MTMR8: variants seen among roughly 807,000 people sequenced by gnomAD.
MTMR8 encodes phosphatidylinositol-3,5-bisphosphate 3-phosphatase MTMR8.
In MTMR8, 65 loss-of-function variants were observed where a neutral mutation model predicts 39.3. The ratio of observed to expected loss-of-function variants is 1.65; its 90% CI spans 1.35 to 2.03. MTMR8 has a LOEUF of 2.03. Among genes scored for constraint, MTMR8 ranks in the 30% most tolerant of loss-of-function variants. The pLI is 0.00. For synonymous variants in MTMR8, 245 were observed against 185.2 expected (o/e 1.32, Z -2.62); for missense variants, 777 against 538.9 (o/e 1.44, Z -4.37).
Position 64,271,073 on chromosome X carries a change from C to T in MTMR8, c.1482G>A (p.Gln494=). Residue 494 remains glutamine, a splice_region_variant and synonymous_variant, in exon 13 of 14, where the codon CAG becomes CAA. Coordinates refer to ENST00000374852, the MANE Select transcript of MTMR8 (RefSeq NM_017677.4). ...AGCGGTTATACATCCCACACCAGAA[C>T]CTCAAATAGACAAAAATGGGGGGAA... ...LNPSTVPYNI[Q]FWCGMYNRFD... is the part of the protein sequence containing the mutation. 1 of 1,186,278 alleles carries T rather than the reference C, an allele frequency of 8.4e-7. No homozygotes were observed. Among genetic ancestry groups the T allele is most frequent in the South Asian group, 1.9e-5 (1 of 52,094 alleles).
chrX:64,281,495 C>T (rs1225481566), intron 12 of MTMR8, among the ~76,000 whole-genome samples: 4 of 111,733 alleles, frequency 3.6e-5, no homozygotes, highest in Non-Finnish European at 5.6e-5. Flanking sequence ...ACTGGCTAGC[C>T]ATTTGCAGAA....
rs578262756 is a variant in MTMR8 at position 64,385,817 on chromosome X, C to T, written c.24+9523G>A. Among the ~76,000 whole-genome samples the T allele has an allele frequency of 1.1e-3, 121 of 111,372 alleles. 1 individual carries two copies. Among genetic ancestry groups the T allele is most frequent in the South Asian group, 0.01 (26 of 2,599 alleles). Reference sequence around the variant, plus strand: ...ATGATCCAATTACCTCTCACTAGGCCCCGTCTTCAACATTGGGGACTACAA... The same window carrying T: ...ATGATCCAATTACCTCTCACTAGGCTCCGTCTTCAACATTGGGGACTACAA... On this transcript the variant is annotated intron_variant, in intron 1 of 13. Transcript: ENST00000374852.
At chrX:64,275,538 AC>A (rs760340074) in intron 12 of MTMR8, among the ~76,000 whole-genome samples, 53 of 108,438 alleles carry the variant, frequency 4.9e-4, no homozygotes, top group Non-Finnish European at 7.8e-4. Context: ...CGCTAAAAAA[AC>A]ATTTAGAAAA....
At chrX:64,347,561 C>A (rs1923375812) in intron 6 of MTMR8, among the ~76,000 whole-genome samples, 1 of 111,839 alleles carries the variant, frequency 8.9e-6, no homozygotes, top group Non-Finnish European at 1.9e-5. Flanking sequence ...CTGTCTAAGG[C>A]AACTATCTGG....
intron 1 of MTMR8, among the ~76,000 whole-genome samples, chrX:64,372,223 C>T (rs1162343660): frequency 9.3e-6 from 1 of 108,083 alleles, no homozygotes; most frequent in Non-Finnish European, 1.9e-5. Context: ...CCCAGTCTCT[C>T]AAAATTTAAC....
intron 1 of MTMR8, among the ~76,000 whole-genome samples, chrX:64,365,175 GA>G (rs1457267390): frequency 9.0e-6 from 1 of 111,434 alleles, no homozygotes; most frequent in East Asian, 2.8e-4. Flanking sequence ...AACCAAGTTG[GA>G]AAACACTTTT....
chrX:64,280,889 T>A (rs1931994114), intron 12 of MTMR8, among the ~76,000 whole-genome samples: 2 of 111,188 alleles, frequency 1.8e-5, no homozygotes, highest in Admixed American at 9.6e-5. Flanking sequence ...TCTCAAGCAT[T>A]GCTATACCAC....
chrX:64,335,519 G>A (rs748234901), intron 10 of MTMR8, among the ~76,000 whole-genome samples: 6 of 112,084 alleles, frequency 5.4e-5, no homozygotes, highest in South Asian at 7.4e-4. Context: ...AATATTTATC[G>A]ATTGTTCTGA....
chrX:64,378,748 C>T (rs1485674684), intron 1 of MTMR8, among the ~76,000 whole-genome samples: 1 of 111,453 alleles, frequency 9.0e-6, no homozygotes, highest in Non-Finnish European at 1.9e-5. Context: ...CTAAAAAATA[C>T]AAGAGCAAAT....
Position 64,343,676 on chromosome X carries a change from G to T in MTMR8, c.910C>A (p.Leu304Met). 1 of 1,208,466 alleles carries T rather than the reference G, an allele frequency of 8.3e-7. No individual in the cohort carries two copies. The highest frequency in any genetic ancestry group is 3.0e-5 in the East Asian group (1 of 33,742). ...TPTMSEFLSG[L>M]ESSGWLRHIK... ...TGTCTTAACCACCCTGAGCTCTCCA[G>T]GCCGCTAAGAAATTCACTCATTGTT... Residue 304 changes from leucine (L) to methionine (M), a missense_variant, in exon 8 of 14, where the codon CTG becomes ATG. Physicochemically the swap from Leu to Met is conservative, Grantham distance 15. Coordinates refer to ENST00000374852, the MANE Select transcript of MTMR8 (RefSeq NM_017677.4).
intron 1 of MTMR8, among the ~76,000 whole-genome samples, chrX:64,361,309 T>C (rs892232215): frequency 9.0e-6 from 1 of 111,346 alleles, no homozygotes; most frequent in Non-Finnish European, 1.9e-5. Flanking sequence ...TTCCAGTCAC[T>C]GGAAAAAGAA....
intron 12 of MTMR8, among the ~76,000 whole-genome samples, chrX:64,300,629 C>G (rs1921827200): frequency 1.0e-5 from 1 of 99,748 alleles, no homozygotes; most frequent in African/African-American, 3.7e-5. Context: ...ATGATGTTAG[C>G]TGGTGATTTT....
At chrX:64,330,573 A>G (rs1218290216) in intron 11 of MTMR8, among the ~76,000 whole-genome samples, 1 of 111,820 alleles carries the variant, frequency 8.9e-6, no homozygotes, top group Non-Finnish European at 1.9e-5. Context: ...TAATGAAAAT[A>G]CTGTTCACAG....
At chrX:64,323,496 G>T (rs1569220478) in intron 12 of MTMR8, among the ~76,000 whole-genome samples, 1 of 111,462 alleles carries the variant, frequency 9.0e-6, no homozygotes, top group Non-Finnish European at 1.9e-5. Context: ...TCTCAGCAAT[G>T]GACAGATCAT....
chrX:64,297,875 A>G (rs974844707), intron 12 of MTMR8, among the ~76,000 whole-genome samples: 1 of 106,695 alleles, frequency 9.4e-6, no homozygotes, highest in Admixed American at 1.0e-4. Flanking sequence ...CAGGTTTGTC[A>G]AAGATCAGAT....
chrX:64,316,976 G>C (rs758854809), intron 12 of MTMR8, among the ~76,000 whole-genome samples: 1 of 107,810 alleles, frequency 9.3e-6, no homozygotes, highest in East Asian at 3.0e-4. Flanking sequence ...GCCAGGCGTG[G>C]TGATGTGTGC....
In MTMR8 at chrX:64,331,771, A is replaced by G. The variant is rs764375969; in HGVS notation, c.1152-14T>C. On this transcript the variant is annotated splice_polypyrimidine_tract_variant and intron_variant, in intron 10 of 13. Transcript: ENST00000374852. ...AGGTGGCCACACCTGAGAGATGAAAATAAAGGTAAAGAAAGACACTAGTTA... is the reference window on the plus strand; with the variant it reads ...AGGTGGCCACACCTGAGAGATGAAAGTAAAGGTAAAGAAAGACACTAGTTA... 8.5e-7 allele frequency: 1 copy of G among 1,173,830 alleles called. No individual in the cohort carries two copies. The highest frequency in any genetic ancestry group is 1.8e-5 in the South Asian group (1 of 54,541).
intron 12 of MTMR8, among the ~76,000 whole-genome samples, chrX:64,301,679 T>C (rs1456921186): frequency 9.0e-6 from 1 of 111,655 alleles, no homozygotes; most frequent in Non-Finnish European, 1.9e-5. Flanking sequence ...CCAGTTTTTC[T>C]GTTCTGTTTT....
chrX:64,285,274 T>G (rs962694584), intron 12 of MTMR8, among the ~76,000 whole-genome samples: 4 of 111,811 alleles, frequency 3.6e-5, no homozygotes. Flanking sequence ...AAGAGCTAAC[T>G]ATCCTAAATA....
Sources: gnomAD v4.1 joint callset for allele counts (sites outside exome capture counted in the v4.1 genomes callset) on GRCh38, gnomAD v4.1.1 for gene constraint, MANE v1.5 for transcripts, NCBI Gene and HGNC (gene_info 2026-07-23, HGNC 2026-07-21) for gene names.